The following PRELID2 variants were observed in gnomAD, a reference collection of about 807,000 sequenced individuals.
PRELID2 encodes the protein PRELI domain-containing protein 2.
A neutral mutation model predicts 28.4 loss-of-function variants in PRELID2; 25 were observed. That is an observed-to-expected ratio of 0.88 (90% confidence interval 0.64 to 1.23). The LOEUF (loss-of-function observed/expected upper bound fraction) is 1.23. Ranked by LOEUF, PRELID2 falls within the 50% of genes most tolerant of loss-of-function variation. PRELID2 has a pLI of 0.00. For synonymous variants in PRELID2, 76 were observed against 71.6 expected (o/e 1.06, Z -0.31); for missense variants, 201 against 214.4 (o/e 0.94, Z 0.39).
chr5:145,703,757 C>T (rs1755471407), intron 1 of PRELID2: 1 of 152,192 alleles, frequency 6.6e-6, no homozygotes, highest in Non-Finnish European at 1.5e-5. Flanking sequence ...GGAATGGGTA[C>T]TGGAGCATCA....
chr5:145,419,948 T>C, the PRELID2 span, among the ~76,000 whole-genome samples: 10 of 152,170 alleles, frequency 6.6e-5, no homozygotes, highest in Middle Eastern at 3.4e-3. Flanking sequence ...TTTCTACATA[T>C]GGCTAGCCAG....
chr5:145,634,469 A>G (rs1165299547), intron 1 of PRELID2, among the ~76,000 whole-genome samples: 2 of 152,094 alleles, frequency 1.3e-5, no homozygotes, highest in Non-Finnish European at 2.9e-5. Flanking sequence ...AATCATTCTC[A>G]CCTCTAAGTT....
chr5:145,681,738 TTC>T (rs1282231190), intron 1 of PRELID2, among the ~76,000 whole-genome samples: 1 of 152,180 alleles, frequency 6.6e-6, no homozygotes, highest in African/African-American at 2.4e-5. Context: ...CCTATCTGGC[TTC>T]TGTTTCAACC....
the PRELID2 span, among the ~76,000 whole-genome samples, chr5:145,446,803 T>C: frequency 6.6e-6 from 1 of 152,016 alleles, no homozygotes; most frequent in Non-Finnish European, 1.5e-5. Flanking sequence ...TATCAGCACT[T>C]TGGGAGGCTG....
chr5:145,432,465 G>A, the PRELID2 span, among the ~76,000 whole-genome samples: 1 of 140,242 alleles, frequency 7.1e-6, no homozygotes, highest in South Asian at 2.2e-4. Flanking sequence ...TAGAATAAAA[G>A]GAATAAAGTA....
chr5:145,468,506 T>C (rs1580948434), downstream of PRELID2, among the ~76,000 whole-genome samples: 2 of 152,290 alleles, frequency 1.3e-5, no homozygotes, highest in East Asian at 3.9e-4. Flanking sequence ...TTTTCCACAA[T>C]GGTTGATCTA....
At chr5:145,787,281 A>G (rs1003973989) in intron 5 of PRELID2, among the ~76,000 whole-genome samples, 1 of 152,258 alleles carries the variant, frequency 6.6e-6, no homozygotes, top group African/African-American at 2.4e-5. Flanking sequence ...CAAGACTGTT[A>G]TCACCCATGT....
rs1359754757 is a variant in PRELID2, at chr5:145,758,085, T to C, written c.*2451A>G. ...TCTGGAAGCAGAGGCTAAAAACTAC[T>C]GGCTGGCAAACATGTTTTTTGTTTT... On this transcript the variant is annotated 3_prime_UTR_variant, in exon 7 of 7. Coordinates refer to ENST00000683046, the MANE Select transcript of PRELID2 (RefSeq NM_205846.3). 6.6e-6 allele frequency among the ~76,000 whole-genome samples: 1 copy of C among 152,206 alleles called. No homozygotes were observed. Among genetic ancestry groups the C allele is most frequent in the Admixed American group, 6.5e-5 (1 of 15,280 alleles).
the PRELID2 span, among the ~76,000 whole-genome samples, chr5:145,298,068 C>T: frequency 2.4e-4 from 36 of 152,154 alleles, no homozygotes; most frequent in African/African-American, 6.7e-4. Flanking sequence ...AGATTCAATG[C>T]CATCCCCATC....
the PRELID2 span, among the ~76,000 whole-genome samples, chr5:145,431,108 C>T: frequency 7.2e-6 from 1 of 138,494 alleles, no homozygotes; most frequent in Non-Finnish European, 1.5e-5. Context: ...CCTCTTCTGA[C>T]ATTTTCTTAA....
chr5:145,373,449 A>C, the PRELID2 span, among the ~76,000 whole-genome samples: 138 of 43,062 alleles, frequency 3.2e-3, no homozygotes, highest in African/African-American at 0.013. Flanking sequence ...ATTACAACAT[A>C]TATAATATAT....
At chr5:145,518,143 T>G (rs1049704562) in intron 1 of PRELID2, among the ~76,000 whole-genome samples, 1 of 72,672 alleles carries the variant, frequency 1.4e-5, no homozygotes. Context: ...AGTATAATAA[T>G]AATAATAATA....
the PRELID2 span, among the ~76,000 whole-genome samples, chr5:145,233,369 AG>A: frequency 6.6e-6 from 1 of 152,080 alleles, no homozygotes; most frequent in Admixed American, 6.6e-5. Flanking sequence ...CTCATTCCAC[AG>A]GCATGCCCTT....
chr5:145,342,966 T>C, the PRELID2 span, among the ~76,000 whole-genome samples: 1 of 141,936 alleles, frequency 7.0e-6, no homozygotes, highest in South Asian at 2.2e-4. Flanking sequence ...AGAAAAAGAA[T>C]AAAACAATTT....
chr5:145,468,743 T>A (rs1333201978), downstream of PRELID2, among the ~76,000 whole-genome samples: 1 of 152,182 alleles, frequency 6.6e-6, no homozygotes, highest in Non-Finnish European at 1.5e-5. Context: ...TTCATATCCT[T>A]TGCCCACTTG....
intron 1 of PRELID2, among the ~76,000 whole-genome samples, chr5:145,481,627 A>C (rs1329554938): frequency 4.3e-4 from 12 of 27,676 alleles, no homozygotes; most frequent in African/African-American, 1.1e-3. Context: ...GGAAATCAAA[A>C]AAAAAAAAAA....
intron 4 of PRELID2, among the ~76,000 whole-genome samples, chr5:145,809,177 G>A (rs1013104122): frequency 2.0e-5 from 3 of 151,476 alleles, no homozygotes; most frequent in Non-Finnish European, 4.4e-5. Flanking sequence ...AAGTAGTTAC[G>A]ACCACAGGCA....
At chr5:145,347,576 A>G in the PRELID2 span, among the ~76,000 whole-genome samples, 3 of 152,044 alleles carry the variant, frequency 2.0e-5, no homozygotes, top group Non-Finnish European at 4.4e-5. Context: ...TTTATTATCC[A>G]TGGAGTTTTC....
the PRELID2 span, among the ~76,000 whole-genome samples, chr5:145,421,930 G>A: frequency 1.3e-5 from 2 of 151,868 alleles, no homozygotes; most frequent in Non-Finnish European, 2.9e-5. Flanking sequence ...CTGGTATGTT[G>A]TGTCTTTGTT....
Sources: gnomAD v4.1 joint callset for allele counts (sites outside exome capture counted in the v4.1 genomes callset) on GRCh38, gnomAD v4.1.1 for gene constraint, MANE v1.5 for transcripts, NCBI Gene and HGNC (gene_info 2026-07-23, HGNC 2026-07-21) for gene names.